The following SLC26A11 variants were observed in gnomAD, a reference collection of about 807,000 sequenced individuals.
The protein encoded by SLC26A11 is sodium-independent sulfate anion transporter.
In SLC26A11, 58 loss-of-function variants were observed where a neutral mutation model predicts 62.2. The observed-to-expected ratio is 0.93, with a 90% CI of 0.76 to 1.16. SLC26A11 has a LOEUF of 1.16. SLC26A11 is among the 50% of genes most tolerant of loss of function. The pLI is 0.00. For synonymous variants in SLC26A11, 411 were observed against 368.9 expected, an observed-to-expected ratio of 1.11 and a Z score of -1.31; for missense variants, 790 against 794.3, an observed-to-expected ratio of 0.99 and a Z score of 0.06.
Position 80,249,131 on chromosome 17 carries a change from C to A in SLC26A11, c.1523-23C>A, listed in dbSNP as rs762622986. The A allele has an allele frequency of 3.1e-6, 5 of 1,599,078 alleles. No individual in the cohort carries two copies. In the Admixed American group the frequency reaches 6.7e-5, roughly 22 times the overall value. ...TTTGGGCTGCTCTGGGTGGCGTGAC[C>A]TGGCTCGGGCCTGTCTCCCCAGTGT... On this transcript the variant is annotated intron_variant, in intron 15 of 17. Coordinates refer to ENST00000361193, the MANE Select transcript of SLC26A11 (RefSeq NM_001166347.2).
In SLC26A11 at chr17:80,223,162, C is replaced by G. The variant is rs993812312; in HGVS notation, c.428-90C>G. On this transcript the variant is annotated intron_variant, in intron 4 of 17. Transcript: ENST00000361193. The surrounding 1 kb of genome is among the most constrained non-coding windows in gnomAD (Gnocchi z 4.6). ...GCGGTATCTGCTCCCCAATCCCACC[C>G]ATTGCCACCTTCCCCAGCTCACATC... 14 of 1,213,922 alleles carry G rather than the reference C, an allele frequency of 1.2e-5. No homozygotes were observed. Among genetic ancestry groups the G allele is most frequent in the Non-Finnish European group, 1.4e-5 (12 of 828,984 alleles). 75.2% of individuals were successfully genotyped at this position (1,213,922 alleles called of 1,614,324 possible). A position where few individuals can be genotyped will look rare whatever the true frequency, so the allele number is the denominator to read the frequency against.
chr17:80,236,594 G>T (rs74965708), intron 7 of SLC26A11, among the ~76,000 whole-genome samples: 2,424 of 152,272 alleles, frequency 0.016, 87 homozygotes, highest in African/African-American at 0.056. Context: ...GGGTAAATCT[G>T]GTTTCTTCCT....
chr17:80,244,269 G>C (rs1250449138), intron 10 of SLC26A11, among the ~76,000 whole-genome samples: 5 of 152,234 alleles, frequency 3.3e-5, no homozygotes, highest in Admixed American at 2.6e-4. Flanking sequence ...CAGCAATGCT[G>C]TGGGCGTGGG....
chr17:80,251,278 T>C (rs756794803), intron 16 of SLC26A11, 51 bp from the exon 17 acceptor site: 2 of 1,613,578 alleles, frequency 1.2e-6, no homozygotes, highest in African/African-American at 2.7e-5. Context: ...TGCCGACCCG[T>C]GTGCTACAGA....
rs4075238 is a variant in SLC26A11 at position 80,228,071 on chromosome 17, T to C, written c.736+111T>C. Reference sequence around the variant, plus strand: ...TCACGTCATTGGTCTGGGTGTCACTTGAGCATTGGGACATTTAAAACACCA... The same window carrying C: ...TCACGTCATTGGTCTGGGTGTCACTCGAGCATTGGGACATTTAAAACACCA... On this transcript the variant is annotated intron_variant, in intron 7 of 17. Transcript: ENST00000361193. The surrounding 1 kb of genome is among the most constrained non-coding windows in gnomAD (Gnocchi z 4.1). 283 of 914,454 alleles carry C rather than the reference T, an allele frequency of 3.1e-4. 2 individuals are homozygous for C. The African/African-American group carries it at 4.0e-3, about 13-fold the overall frequency. 56.6% of individuals were successfully genotyped at this position (914,454 alleles called of 1,614,324 possible).
chr17:80,234,130 A>G (rs1236683479), intron 7 of SLC26A11, among the ~76,000 whole-genome samples: 1 of 152,036 alleles, frequency 6.6e-6, no homozygotes, highest in Non-Finnish European at 1.5e-5. Context: ...TCAGCCTCCC[A>G]GGTAGATGGA....
In SLC26A11 at chr17:80,220,462, G is replaced by A. The variant is rs925228132; in HGVS notation, c.-248G>A. The A allele has an allele frequency of 6.3e-5, 42 of 662,680 alleles. No individual in the cohort carries two copies. The highest frequency in any genetic ancestry group is 4.3e-5 in the Admixed American group (1 of 23,100). The allele number at this position is 662,680 out of a possible 1,614,324, so 41.0% of individuals were successfully genotyped here. ...CGATTCCTGCGGACCCAGCTGCGGCGACGCCAGGAGACCCCAAGCTGCATC... is the reference window on the plus strand; with the variant it reads ...CGATTCCTGCGGACCCAGCTGCGGCAACGCCAGGAGACCCCAAGCTGCATC... On this transcript the variant is annotated 5_prime_UTR_variant, in exon 1 of 18. Transcript: ENST00000361193.
In SLC26A11 at chr17:80,223,659, G is replaced by A. The variant is rs2042287665; in HGVS notation, c.513+322G>A. Among the ~76,000 whole-genome samples the A allele has an allele frequency of 6.6e-6, 1 of 152,118 alleles. No homozygotes were observed. Among genetic ancestry groups the A allele is most frequent in the African/African-American group, 2.4e-5 (1 of 41,418 alleles). ...TCTGTGACGTGGCTCTGTTCTCCCT[G>A]CACTGGGCACACCCAGCAGGCCCCA... On this transcript the variant is annotated intron_variant, in intron 5 of 17. Coordinates refer to ENST00000361193, the MANE Select transcript of SLC26A11 (RefSeq NM_001166347.2). The surrounding 1 kb of genome is among the most constrained non-coding windows in gnomAD (Gnocchi z 4.6).
intron 11 of SLC26A11, among the ~76,000 whole-genome samples, chr17:80,245,860 C>T (rs2042978790): frequency 6.6e-6 from 1 of 152,212 alleles, no homozygotes; most frequent in African/African-American, 2.4e-5. Context: ...CAGCTGGTGA[C>T]CCTTGCCCTG....
At chr17:80,238,983 G>A (rs2042781494) in intron 9 of SLC26A11, among the ~76,000 whole-genome samples, 1 of 151,404 alleles carries the variant, frequency 6.6e-6, no homozygotes, top group African/African-American at 2.4e-5. Context: ...GCGCCACCAC[G>A]CCCAACTAAT....
chr17:80,234,185 AG>A lies in SLC26A11; in HGVS notation c.737-2742del, dbSNP rs995639026. Reference sequence around the variant, plus strand: ...ACGCCCGGCTAATTTTTGTACTTTTAGCAGAGATGGGGTTTTGCCATGTTGG... The same window carrying A: ...ACGCCCGGCTAATTTTTGTACTTTTACAGAGATGGGGTTTTGCCATGTTGG... On this transcript the variant is annotated intron_variant, in intron 7 of 17. Transcript: ENST00000361193. 2.3e-3 allele frequency among the ~76,000 whole-genome samples: 346 copies of A among 152,154 alleles called. 2 individuals carry two copies. Among genetic ancestry groups the A allele is most frequent in the African/African-American group, 7.8e-3 (323 of 41,520 alleles).
chr17:80,234,079 A>G (rs188409276), intron 7 of SLC26A11, among the ~76,000 whole-genome samples: 133 of 152,120 alleles, frequency 8.7e-4, no homozygotes, highest in African/African-American at 3.0e-3. Context: ...ATCTTGGCTC[A>G]CTGCAATCTC....
chr17:80,236,747 G>C, intron 7 of SLC26A11, 181 bp from the exon 8 acceptor site: 1 of 666,760 alleles, frequency 1.5e-6, no homozygotes, highest in Admixed American at 2.4e-5. Flanking sequence ...CGTCCCACCT[G>C]CTTATGCTGC....
At position 80,247,564 on chromosome 17, in the gene SLC26A11, G is replaced by A. The variant is rs532879935; in HGVS notation, c.1295-566G>A. On this transcript the variant is annotated intron_variant, in intron 13 of 17. Coordinates refer to ENST00000361193, the MANE Select transcript of SLC26A11 (RefSeq NM_001166347.2). Reference sequence around the variant, plus strand: ...AGCCCCAGCAAGTTGCCAGGTGAAAGGATGGATAATTTTCTTGCATGCCCG... The same window carrying A: ...AGCCCCAGCAAGTTGCCAGGTGAAAAGATGGATAATTTTCTTGCATGCCCG... Among the ~76,000 whole-genome samples the A allele has an allele frequency of 2.0e-5, 3 of 152,370 alleles. No individual in the cohort carries two copies. The South Asian group carries it at 6.2e-4, about 32-fold the overall frequency.
intron 10 of SLC26A11, among the ~76,000 whole-genome samples, chr17:80,242,519 G>A (rs1192828737): frequency 2.0e-5 from 3 of 152,200 alleles, no homozygotes; most frequent in African/African-American, 4.8e-5. Context: ...ATCGAGAGGA[G>A]TCTTCTGATT....
At chr17:80,244,493 G>A (rs1567963646) in intron 10 of SLC26A11, among the ~76,000 whole-genome samples, 1 of 152,204 alleles carries the variant, frequency 6.6e-6, no homozygotes, top group Non-Finnish European at 1.5e-5. Flanking sequence ...CCTCTGTTCT[G>A]CGTGGGGAAG....
chr17:80,248,074 C>T, intron 13 of SLC26A11, 56 bp from the exon 14 acceptor site: 1 of 1,533,682 alleles, frequency 6.5e-7, no homozygotes, highest in Non-Finnish European at 8.7e-7. Flanking sequence ...GTCAGCAGGG[C>T]CATGTTGGGG....
intron 7 of SLC26A11, 24 bp downstream of exon 7, chr17:80,227,984 T>A (rs6565653): frequency 1.3e-6 from 2 of 1,592,792 alleles, no homozygotes; most frequent in Admixed American, 1.7e-5. Flanking sequence ...GGCTGACATC[T>A]TATGCAACCT....
intron 9 of SLC26A11, among the ~76,000 whole-genome samples, chr17:80,240,775 C>T (rs2042840126): frequency 6.6e-6 from 1 of 152,040 alleles, no homozygotes; most frequent in Admixed American, 6.6e-5. Flanking sequence ...TGCACTCCAG[C>T]CTGGGTGACA....
Sources: allele counts gnomAD v4.1 joint callset (sites outside exome capture counted in the v4.1 genomes callset), GRCh38; gene constraint gnomAD v4.1.1; non-coding constraint Gnocchi (gnomAD v3.1); transcripts MANE v1.5; gene names NCBI Gene and HGNC (gene_info 2026-07-23, HGNC 2026-07-21).